The following CALR variants were observed in gnomAD, a reference collection of about 807,000 sequenced individuals.
CALR encodes CRP55.
In CALR, 15 loss-of-function variants were observed where a neutral mutation model predicts 51.1. The observed-to-expected ratio is 0.29, with a 90% CI of 0.20 to 0.45. The LOEUF (loss-of-function observed/expected upper bound fraction) is 0.45, where lower values mean the gene tolerates loss of function less well. Ranked by LOEUF, CALR falls within the 20% of genes least tolerant of loss-of-function variation. CALR has a pLI of 1.00. For missense variants in CALR, 477 were observed against 530.6 expected (o/e 0.90, Z 0.99); for synonymous variants, 239 against 205.9 (o/e 1.16, Z -1.38).
chr19:12,940,216 C>T (rs1452704733), intron 4 of CALR, 27 bp from the exon 5 acceptor site: 1 of 1,610,924 alleles, frequency 6.2e-7, no homozygotes, highest in Non-Finnish European at 8.5e-7. Context: ...TGGGGGGTGG[C>T]CCCCGCTCAC....
intron 7 of CALR, 86 bp from the exon 8 acceptor site, chr19:12,943,451 T>C (rs1971575368): frequency 8.9e-7 from 1 of 1,128,200 alleles, no homozygotes; most frequent in East Asian, 2.4e-5. Flanking sequence ...CAGAATATAG[T>C]GGTTATAGGA....
rs531559998 is a variant in CALR at position 12,942,749 on chromosome 19, G to A, written c.961-788G>A. On this transcript the variant is annotated intron_variant, in intron 7 of 8. Transcript: ENST00000316448. ...AGCTGGAATTACAGGCATGCGCCAC[G>A]ACGCTGGGCTTTTTTTTTTTTGAGA... Among the ~76,000 whole-genome samples, 12 of 151,408 alleles carry A rather than the reference G, an allele frequency of 7.9e-5. No homozygotes were observed. The South Asian group carries it at 2.5e-3, about 32-fold the overall frequency.
At chr19:12,941,512 C>T (rs1158021699) in intron 7 of CALR, among the ~76,000 whole-genome samples, 1 of 149,498 alleles carries the variant, frequency 6.7e-6, no homozygotes, top group Non-Finnish European at 1.5e-5. Context: ...TGCTCTGTCG[C>T]CCAGGCTGGA....
At chr19:12,943,301 G>C (rs1971574041) in intron 7 of CALR, 2 of 543,292 alleles carry the variant, frequency 3.7e-6, no homozygotes, top group Non-Finnish European at 6.7e-6. Flanking sequence ...AGCCAGGGTG[G>C]TCTCGATCTC....
rs1282396708 is a variant in CALR, at chr19:12,940,236, T to C, written c.493-7T>C. The C allele has an allele frequency of 6.2e-7, 1 of 1,614,056 alleles. No individual in the cohort carries two copies. Among genetic ancestry groups the C allele is most frequent in the Non-Finnish European group, 8.5e-7 (1 of 1,179,950 alleles). ...GGTGGCCCCCGCTCACCTTCTTCCT[T>C]CTTCAGGATGATGAGTTTACACACC... On this transcript the variant is annotated splice_region_variant and splice_polypyrimidine_tract_variant and intron_variant, in intron 4 of 8. Coordinates refer to ENST00000316448, the MANE Select transcript of CALR (RefSeq NM_004343.4).
intron 7 of CALR, 101 bp downstream of exon 7, chr19:12,940,988 CA>C: frequency 9.0e-7 from 1 of 1,114,710 alleles, no homozygotes; most frequent in Non-Finnish European, 1.4e-6. Context: ...GAGTCTGACT[CA>C]AAAATGGTAC....
At position 12,940,139 on chromosome 19, in the gene CALR, C is replaced by T. The variant is rs776958612; in HGVS notation, c.484C>T (p.Arg162Cys). The T allele has an allele frequency of 2.5e-6, 4 of 1,613,792 alleles. No individual in the cohort carries two copies. The highest frequency in any genetic ancestry group is 4.5e-5 in the East Asian group (2 of 44,890). The change falls in exon 4 of 9, where the codon CGT becomes TGT. Residue 162 changes from arginine (R) to cysteine (C), a missense_variant. By Grantham distance (180) the Arg-to-Cys change is radical. Transcript: ENST00000316448. ...GAACGTGCTGATCAACAAGGACATC[C>T]GTTGCAAGGTGTGCCTGGGGGTGGT... ...GKNVLINKDI[R>C]CKDDEFTHLY...
At chr19:12,943,483 A>G in intron 7 of CALR, 54 bp from the exon 8 acceptor site, 1 of 1,530,426 alleles carries the variant, frequency 6.5e-7, no homozygotes, top group Non-Finnish European at 9.1e-7. Context: ...AACCCTGTCC[A>G]AAGCAAGGGC....
In CALR at chr19:12,944,173, C is replaced by T. The variant is rs1390885601; in HGVS notation, c.*260C>T. 3.5e-6 allele frequency: 2 copies of T among 564,984 alleles called. No individual in the cohort carries two copies. The highest frequency in any genetic ancestry group is 6.1e-6 in the Non-Finnish European group (2 of 330,442). 35.0% of individuals were successfully genotyped at this position (564,984 alleles called of 1,614,324 possible). ...CCTGGTTCTCATCTTTCTTGATCAA[C>T]ATCTTTTCTTGCCTCTGTCCCCTTC... On this transcript the variant is annotated 3_prime_UTR_variant, in exon 9 of 9. Coordinates refer to ENST00000316448, the MANE Select transcript of CALR (RefSeq NM_004343.4).
chr19:12,938,870 C>G (rs761916531), intron 1 of CALR, 100 bp downstream of exon 1: 5 of 965,818 alleles, frequency 5.2e-6, no homozygotes, highest in Non-Finnish European at 8.2e-6. Flanking sequence ...AGGTCCAACA[C>G]GGTGGCCTCC....
chr19:12,943,515 A>T, intron 7 of CALR, 22 bp from the exon 8 acceptor site: 1 of 1,609,240 alleles, frequency 6.2e-7, no homozygotes, highest in Non-Finnish European at 8.5e-7. Flanking sequence ...ACCTCTGACC[A>T]TCCTTCCCAT....
At chr19:12,939,405 A>T in intron 2 of CALR, 23 bp from the exon 3 acceptor site, 5 of 1,611,046 alleles carry the variant, frequency 3.1e-6, no homozygotes, top group Non-Finnish European at 4.2e-6. Context: ...CCCAACGGTG[A>T]CCTCACTACC....
At position 12,940,470 on chromosome 19, in the gene CALR, G is replaced by T. The variant is rs375468700; in HGVS notation, c.702+18G>T. 2 of 1,613,858 alleles carry T rather than the reference G, an allele frequency of 1.2e-6. No homozygotes were observed. The highest frequency in any genetic ancestry group is 1.7e-6 in the Non-Finnish European group (2 of 1,179,900). ...AGCCTGAGGTTGGTGTTTGGGCAGG[G>T]GCTCTGCTCTCCACATTGGAGGGTG... On this transcript the variant is annotated intron_variant, in intron 5 of 8. Transcript: ENST00000316448.
chr19:12,942,102 G>A (rs1248088593), intron 7 of CALR, among the ~76,000 whole-genome samples: 1 of 150,362 alleles, frequency 6.7e-6, no homozygotes, highest in Non-Finnish European at 1.5e-5. Flanking sequence ...GCTCACACCT[G>A]TAATCCCAGC....
intron 7 of CALR, among the ~76,000 whole-genome samples, chr19:12,942,087 C>T (rs1971556220): frequency 6.6e-6 from 1 of 151,686 alleles, no homozygotes; most frequent in African/African-American, 2.4e-5. Flanking sequence ...TGGCCGGACA[C>T]AGTGGCTCAC....
intron 7 of CALR, among the ~76,000 whole-genome samples, chr19:12,941,176 C>T (rs538203290): frequency 6.6e-6 from 1 of 152,286 alleles, no homozygotes; most frequent in East Asian, 1.9e-4. Flanking sequence ...GGGCTGGGCA[C>T]AGTGGCTCAC....
Position 12,940,881 on chromosome 19 carries a change from C to T in CALR, c.954C>T (p.Leu318=). Residue 318 remains leucine, a synonymous_variant, in exon 7 of 9, where the codon CTC becomes CTT. Transcript: ENST00000316448. ...YDNFGVLGLD[L]WQVKSGTIFD... Reference sequence around the variant, plus strand: ...ACTTTGGCGTGCTGGGCCTGGACCTCTGGCAGGTGAGACTTGGAGGAAAAA... The same window carrying T: ...ACTTTGGCGTGCTGGGCCTGGACCTTTGGCAGGTGAGACTTGGAGGAAAAA... 6.2e-7 allele frequency: 1 copy of T among 1,614,084 alleles called. No individual in the cohort carries two copies. Among genetic ancestry groups the T allele is most frequent in the Non-Finnish European group, 8.5e-7 (1 of 1,179,982 alleles).
intron 7 of CALR, among the ~76,000 whole-genome samples, chr19:12,942,235 C>T (rs1231305740): frequency 2.0e-5 from 3 of 151,410 alleles, no homozygotes; most frequent in Admixed American, 6.6e-5. Context: ...TGGTGGTGGG[C>T]GCCTGTAGTC....
rs370869315 is a variant in CALR, at chr19:12,939,511, G to C, written c.277G>C (p.Val93Leu). The C allele has an allele frequency of 1.5e-5, 24 of 1,613,302 alleles. No homozygotes were observed. Among genetic ancestry groups the C allele is most frequent in the Non-Finnish European group, 2.0e-5 (24 of 1,180,046 alleles). ...PFSNKGQTLVVQFTVKHEQNI... is the reference protein window; with the variant it reads ...PFSNKGQTLVLQFTVKHEQNI... Reference sequence around the variant, plus strand: ...CAGCAACAAAGGCCAGACGCTGGTGGTGCAGTTCACGGTGAAACATGAGCA... The same window carrying C: ...CAGCAACAAAGGCCAGACGCTGGTGCTGCAGTTCACGGTGAAACATGAGCA... Residue 93 changes from valine to leucine, a missense_variant, in exon 3 of 9, where the codon GTG becomes CTG. By Grantham distance (32) the Val-to-Leu change is conservative. Transcript: ENST00000316448.
Sources: gnomAD v4.1 joint callset for allele counts (sites outside exome capture counted in the v4.1 genomes callset) on GRCh38, gnomAD v4.1.1 for gene constraint, MANE v1.5 for transcripts, NCBI Gene and HGNC (gene_info 2026-07-23, HGNC 2026-07-21) for gene names.